The following BABAM2 variants were observed in gnomAD, a reference collection of about 807,000 sequenced individuals.
BABAM2 encodes BRISC and BRCA1 A complex member 2, also known as BRISC and BRCA1-A complex member 2.
A neutral mutation model predicts 54.7 loss-of-function variants in BABAM2; 31 were observed. The ratio of observed to expected loss-of-function variants is 0.57; its 90% CI spans 0.43 to 0.77. The LOEUF (loss-of-function observed/expected upper bound fraction) is 0.77, where lower values mean the gene tolerates loss of function less well. BABAM2 is among the 30% of genes least tolerant of loss of function. The probability of loss-of-function intolerance (pLI) is 0.00; values close to 1 mark genes in which losing one functional copy is unlikely to be tolerated. For missense variants in BABAM2, 364 were observed against 455.8 expected (o/e 0.80, Z 1.83); for synonymous variants, 167 against 162.9 (o/e 1.03, Z -0.19).
upstream of BABAM2, chr2:27,890,436 G>A: frequency 1.6e-6 from 2 of 1,285,298 alleles, no homozygotes; most frequent in Non-Finnish European, 1.1e-6. The surrounding 1 kb of genome is among the most constrained non-coding windows in gnomAD (Gnocchi z 4.8). Context: ...CCTCCCTAAC[G>A]ACGCGGGCCT....
Position 28,184,292 on chromosome 2 carries a change from C to CCCT in BABAM2, c.681-52910_681-52909insCCT, listed in dbSNP as rs1558415682. On this transcript the variant is annotated intron_variant, in intron 7 of 11. Coordinates refer to ENST00000379624, the MANE Select transcript of BABAM2 (RefSeq NM_199191.3). ...TCTCTCTCTCTCTCTCTCTCCCCCCCTCCCTCTCTCCCTCTCTCTCTCTGT... is the reference window on the plus strand; with the variant it reads ...TCTCTCTCTCTCTCTCTCTCCCCCCCCCTTCCCTCTCTCCCTCTCTCTCTCTGT... Among the ~76,000 whole-genome samples the CCCT allele has an allele frequency of 3.0e-3, 419 of 139,638 alleles. 8 individuals carry two copies. The highest frequency in any genetic ancestry group is 0.01 in the African/African-American group (383 of 38,160). 91.6% of individuals were successfully genotyped at this position (139,638 alleles called of 152,430 possible). A position where few individuals can be genotyped will look rare whatever the true frequency, so the allele number is the denominator to read the frequency against.
At chr2:28,017,349 A>G (rs931170780) in intron 4 of BABAM2, among the ~76,000 whole-genome samples, 5 of 82,968 alleles carry the variant, frequency 6.0e-5, no homozygotes, top group African/African-American at 1.6e-4. Flanking sequence ...TTAGAAATGT[A>G]AAATGTTGTT....
chr2:28,051,653 GT>G (rs1029608075), intron 6 of BABAM2, among the ~76,000 whole-genome samples: 47 of 144,692 alleles, frequency 3.2e-4, no homozygotes, highest in Admixed American at 2.8e-4. Flanking sequence ...GTCAAGGTGT[GT>G]TTTTTTTTTT....
intron 7 of BABAM2, among the ~76,000 whole-genome samples, chr2:28,153,890 G>A (rs1160837724): frequency 6.6e-6 from 1 of 152,166 alleles, no homozygotes; most frequent in African/African-American, 2.4e-5. Flanking sequence ...TGGTTTTTCT[G>A]TGGTCTATCT....
At chr2:28,218,952 C>G (rs1680150788) in intron 7 of BABAM2, among the ~76,000 whole-genome samples, 1 of 152,072 alleles carries the variant, frequency 6.6e-6, no homozygotes, top group African/African-American at 2.4e-5. Flanking sequence ...ATAAACAAAG[C>G]CTCATTTCAT....
intron 2 of BABAM2, among the ~76,000 whole-genome samples, chr2:27,920,188 C>A (rs555337300): frequency 8.2e-4 from 124 of 152,072 alleles, no homozygotes; most frequent in African/African-American, 3.0e-3. Context: ...CTTCTTTTAC[C>A]GATTTTAATT....
intron 7 of BABAM2, among the ~76,000 whole-genome samples, chr2:28,202,178 A>G (rs748046391): frequency 2.0e-5 from 3 of 152,230 alleles, no homozygotes; most frequent in Admixed American, 2.0e-4. Context: ...AATAAATCCT[A>G]GAGAAGATGC....
intron 10 of BABAM2, among the ~76,000 whole-genome samples, chr2:28,280,906 T>A (rs1179640244): frequency 1.3e-5 from 2 of 152,116 alleles, no homozygotes; most frequent in Non-Finnish European, 2.9e-5. Flanking sequence ...GCTGTTTTAT[T>A]GTGAGAGTAG....
chr2:28,326,438 C>G, intron 11 of BABAM2, among the ~76,000 whole-genome samples: 1 of 152,100 alleles, frequency 6.6e-6, no homozygotes, highest in East Asian at 1.9e-4. Flanking sequence ...TGGGGCTCTT[C>G]TCTGGGTTCC....
intron 4 of BABAM2, among the ~76,000 whole-genome samples, chr2:27,991,797 C>T (rs1672796705): frequency 6.6e-6 from 1 of 152,156 alleles, no homozygotes; most frequent in African/African-American, 2.4e-5. Context: ...AGTTGATAGA[C>T]TTACAGGTTG....
chr2:28,060,390 G>A (rs908937990), intron 6 of BABAM2, among the ~76,000 whole-genome samples: 5 of 152,080 alleles, frequency 3.3e-5, no homozygotes, highest in African/African-American at 1.2e-4. Context: ...CCTATAGCTA[G>A]TATCATACTT....
intron 10 of BABAM2, among the ~76,000 whole-genome samples, chr2:28,291,092 A>G (rs1178532412): frequency 6.6e-6 from 1 of 152,206 alleles, no homozygotes; most frequent in Non-Finnish European, 1.5e-5. Flanking sequence ...AGAAATTATT[A>G]TCCTCATTTT....
At chr2:28,201,032 A>G (rs1678211868) in intron 7 of BABAM2, among the ~76,000 whole-genome samples, 1 of 152,164 alleles carries the variant, frequency 6.6e-6, no homozygotes, top group Admixed American at 6.5e-5. Context: ...CGGCCTCCCA[A>G]AGTGCTCAGT....
chr2:28,265,678 A>G (rs1684922346), intron 10 of BABAM2, among the ~76,000 whole-genome samples: 1 of 152,164 alleles, frequency 6.6e-6, no homozygotes, highest in Non-Finnish European at 1.5e-5. Flanking sequence ...CTCTAGTGAT[A>G]ACACTCAGCT....
intron 7 of BABAM2, among the ~76,000 whole-genome samples, chr2:28,176,140 C>A (rs920559419): frequency 1.3e-5 from 2 of 152,094 alleles, no homozygotes; most frequent in African/African-American, 4.8e-5. Flanking sequence ...GTGCAGATAT[C>A]AACGTAAAGA....
At chr2:28,287,486 T>C (rs1157750158) in intron 10 of BABAM2, among the ~76,000 whole-genome samples, 1 of 152,186 alleles carries the variant, frequency 6.6e-6, no homozygotes, top group African/African-American at 2.4e-5. Context: ...TGCCAGTTAG[T>C]CACTAAATAT....
intron 7 of BABAM2, among the ~76,000 whole-genome samples, chr2:28,158,098 A>C (rs974272247): frequency 2.0e-5 from 3 of 152,242 alleles, no homozygotes; most frequent in Non-Finnish European, 4.4e-5. Flanking sequence ...AATATAATAA[A>C]AAGTTAACAG....
chr2:28,112,149 ACCTCCCTCCCTCCCTCCCTC>A (rs1276524368), intron 6 of BABAM2, among the ~76,000 whole-genome samples: 13 of 10,974 alleles, frequency 1.2e-3, no homozygotes, highest in African/African-American at 7.4e-3. Flanking sequence ...TTCTTTCTTT[ACCTCCCTCCCTCCCTCCCTC>A]CCTCCCTCCC....
At chr2:28,023,689 CTT>C (rs1180426898) in intron 4 of BABAM2, among the ~76,000 whole-genome samples, 1 of 152,188 alleles carries the variant, frequency 6.6e-6, no homozygotes, top group Non-Finnish European at 1.5e-5. Context: ...TGAAAGAACA[CTT>C]ATGAATTTCC....
Sources: gnomAD v4.1 joint callset for allele counts (sites outside exome capture counted in the v4.1 genomes callset) on GRCh38, gnomAD v4.1.1 for gene constraint, Gnocchi (gnomAD v3.1) non-coding constraint, MANE v1.5 for transcripts, NCBI Gene and HGNC (gene_info 2026-07-23, HGNC 2026-07-21) for gene names.